The following SPATA16 variants were observed in gnomAD, a reference collection of about 807,000 sequenced individuals.
The protein encoded by SPATA16 is spermatogenesis-associated protein 16.
In SPATA16, 36 loss-of-function variants were observed where a neutral mutation model predicts 63.3. That is an observed-to-expected ratio of 0.57 (90% CI 0.44 to 0.75). The LOEUF is 0.75. SPATA16 is among the 30% of genes least tolerant of loss of function. The pLI is 0.00. For missense variants in SPATA16, 646 were observed against 679.3 expected (o/e 0.95, Z 0.54); for synonymous variants, 203 against 216.7 (o/e 0.94, Z 0.56).
At chr3:173,130,531 C>T (rs1264993861) in intron 1 of SPATA16, among the ~76,000 whole-genome samples, 1 of 152,104 alleles carries the variant, frequency 6.6e-6, no homozygotes, top group Non-Finnish European at 1.5e-5. Flanking sequence ...ATTTTTAACA[C>T]TTGAGAAACC....
At chr3:172,978,135 CTCCCT>C (rs1734208921) in intron 4 of SPATA16, among the ~76,000 whole-genome samples, 1 of 149,192 alleles carries the variant, frequency 6.7e-6, no homozygotes, top group Non-Finnish European at 1.5e-5. Flanking sequence ...CTCTCTCTCT[CTCCCT>C]CTCTCTCTCT....
At chr3:173,120,256 G>A (rs1738025793) in intron 1 of SPATA16, among the ~76,000 whole-genome samples, 2 of 152,162 alleles carry the variant, frequency 1.3e-5, no homozygotes, top group Non-Finnish European at 2.9e-5. Context: ...GATTTGGATT[G>A]AGTAAAAATA....
intron 4 of SPATA16, among the ~76,000 whole-genome samples, chr3:172,990,516 G>T (rs1447862047): frequency 6.6e-6 from 1 of 152,128 alleles, no homozygotes; most frequent in African/African-American, 2.4e-5. Context: ...ATTTCTCTGA[G>T]GTAGGGGAGG....
chr3:173,065,715 T>G (rs1736502442), intron 2 of SPATA16, among the ~76,000 whole-genome samples: 1 of 152,030 alleles, frequency 6.6e-6, no homozygotes, highest in South Asian at 2.1e-4. Context: ...GTAAAGTGAG[T>G]GTGGGGCTTT....
rs534990366 is a variant in SPATA16 at position 173,021,348 on chromosome 3, GA to G, written c.759-1774del. On this transcript the variant is annotated intron_variant, in intron 3 of 10. Coordinates refer to ENST00000351008, the MANE Select transcript of SPATA16 (RefSeq NM_031955.6). ...CACTGCCTTTCCTATGGTGATTTCT[GA>G]ATTAGACGGGTCTGAGTTAATGAGG... Among the ~76,000 whole-genome samples the G allele has an allele frequency of 1.8e-3, 268 of 152,278 alleles. 1 individual carries two copies. Among genetic ancestry groups the G allele is most frequent in the African/African-American group, 6.1e-3 (255 of 41,566 alleles).
chr3:173,098,284 C>G (rs1737409224), intron 2 of SPATA16, among the ~76,000 whole-genome samples: 1 of 152,170 alleles, frequency 6.6e-6, no homozygotes, highest in South Asian at 2.1e-4. Context: ...CCACCTCATT[C>G]TTTCAGCCCC....
At chr3:173,021,618 G>T (rs1482956154) in intron 3 of SPATA16, among the ~76,000 whole-genome samples, 1 of 152,116 alleles carries the variant, frequency 6.6e-6, no homozygotes, top group Non-Finnish European at 1.5e-5. Flanking sequence ...AAGCAATTTT[G>T]TAAAGGTAAG....
intron 3 of SPATA16, among the ~76,000 whole-genome samples, chr3:173,022,385 G>A (rs963318515): frequency 6.6e-6 from 1 of 152,060 alleles, no homozygotes; most frequent in East Asian, 1.9e-4. Context: ...CTCTGAAAGT[G>A]TAATTATAAA....
chr3:172,978,933 T>C (rs539930591), intron 4 of SPATA16, among the ~76,000 whole-genome samples: 77 of 152,300 alleles, frequency 5.1e-4, no homozygotes, highest in African/African-American at 1.7e-3. Context: ...ATTTATATAA[T>C]TGTCAATCAA....
At chr3:173,033,720 G>T (rs1735654876) in intron 3 of SPATA16, among the ~76,000 whole-genome samples, 2 of 151,924 alleles carry the variant, frequency 1.3e-5, no homozygotes, top group Non-Finnish European at 2.9e-5. Context: ...TTAGTTTTTA[G>T]GGGGGACGGA....
At chr3:172,895,946 C>T (rs1400584218) in intron 10 of SPATA16, among the ~76,000 whole-genome samples, 2 of 151,722 alleles carry the variant, frequency 1.3e-5, no homozygotes, top group Non-Finnish European at 2.9e-5. Context: ...GGATAAAAGC[C>T]CAGGAGGGCA....
rs1165712305 is a variant in SPATA16, at chr3:173,088,007, CGTCTTTCTTTCTTTCTTTCT to C, written c.612+29093_612+29112del. Among the ~76,000 whole-genome samples, 478 of 118,358 alleles carry C rather than the reference CGTCTTTCTTTCTTTCTTTCT, an allele frequency of 4.0e-3. 18 individuals carry two copies. Among genetic ancestry groups the C allele is most frequent in the African/African-American group, 0.01 (292 of 28,554 alleles). 77.6% of individuals were successfully genotyped at this position (118,358 alleles called of 152,430 possible). ...AATCTGATGATTAGCATTTTCTTTC[CGTCTTTCTTTCTTTCTTTCT>C]TTCTTTCTTTCTTTCTTTCTTTCTT... On this transcript the variant is annotated intron_variant, in intron 2 of 10. Coordinates refer to ENST00000351008, the MANE Select transcript of SPATA16 (RefSeq NM_031955.6).
Position 173,056,705 on chromosome 3 carries a change from CAAAAAAAAAAAAAA to C in SPATA16, c.613-7625_613-7612del, listed in dbSNP as rs71162325. Among the ~76,000 whole-genome samples the C allele has an allele frequency of 9.7e-3, 714 of 73,610 alleles. 19 individuals carry two copies. Among genetic ancestry groups the C allele is most frequent in the African/African-American group, 0.038 (680 of 17,802 alleles). 48.3% of individuals were successfully genotyped at this position (73,610 alleles called of 152,430 possible). ...GAGCAACAGAGTGAGACTCTTGTTT[CAAAAAAAAAAAAAA>C]AAAAAAAAAAGAAATGTGGTTGAGT... is the stretch of plus-strand genomic sequence containing the variant. On this transcript the variant is annotated intron_variant, in intron 2 of 10. Transcript: ENST00000351008.
intron 6 of SPATA16, among the ~76,000 whole-genome samples, chr3:172,950,388 T>C (rs1343334020): frequency 2.0e-5 from 3 of 152,196 alleles, no homozygotes; most frequent in Non-Finnish European, 4.4e-5. Context: ...TTCTTTACCT[T>C]GGGAACAATT....
chr3:173,060,657 C>T (rs950367369), intron 2 of SPATA16, among the ~76,000 whole-genome samples: 2 of 152,120 alleles, frequency 1.3e-5, no homozygotes, highest in African/African-American at 4.8e-5. Flanking sequence ...CCTTATTTTA[C>T]AGGTATAAAA....
chr3:173,019,557 T>C lies in SPATA16; in HGVS notation c.777A>G (p.Pro259=). Residue 259 remains proline, a synonymous_variant, in exon 4 of 11, where the codon CCA becomes CCG. Transcript: ENST00000351008. ...GACGAAGATGATTCCGGAAATAGGCTGGGTTTAAAACAATGCTCCTGTAAA... is the reference window on the plus strand; with the variant it reads ...GACGAAGATGATTCCGGAAATAGGCCGGGTTTAAAACAATGCTCCTGTAAA... The part of the protein sequence containing the change: ...NHAHRSIVLN[P]AYFRNHLRQA... 3 of 1,614,040 alleles carry C rather than the reference T, an allele frequency of 1.9e-6. No homozygotes were observed. Among genetic ancestry groups the C allele is most frequent in the Non-Finnish European group, 2.5e-6 (3 of 1,179,964 alleles).
chr3:172,960,222 T>G (rs527237106), intron 5 of SPATA16, among the ~76,000 whole-genome samples: 1 of 152,224 alleles, frequency 6.6e-6, no homozygotes, highest in Non-Finnish European at 1.5e-5. Context: ...TTTCAAATGA[T>G]ACTTCTTAAT....
intron 5 of SPATA16, among the ~76,000 whole-genome samples, chr3:172,964,293 G>A (rs575512239): frequency 6.6e-6 from 1 of 152,242 alleles, no homozygotes; most frequent in South Asian, 2.1e-4. Flanking sequence ...CTTATTTAAT[G>A]GCAAAACATA....
intron 4 of SPATA16, among the ~76,000 whole-genome samples, chr3:172,994,336 A>T (rs1337886455): frequency 6.6e-6 from 1 of 152,170 alleles, no homozygotes; most frequent in Non-Finnish European, 1.5e-5. Flanking sequence ...AGAGATAGAT[A>T]GCACAAAAAA....
Sources: gnomAD v4.1 joint callset for allele counts (sites outside exome capture counted in the v4.1 genomes callset) on GRCh38, gnomAD v4.1.1 for gene constraint, MANE v1.5 for transcripts, NCBI Gene and HGNC (gene_info 2026-07-23, HGNC 2026-07-21) for gene names.